Variants in RMDN1 observed in about 807,000 individuals in gnomAD.
RMDN1 encodes regulator of microtubule dynamics protein 1.
A neutral mutation model predicts 48.9 loss-of-function variants in RMDN1; 48 were observed. The ratio of observed to expected loss-of-function variants is 0.98; its 90% CI spans 0.78 to 1.25. RMDN1 has a LOEUF of 1.25. RMDN1 is among the 50% of genes most tolerant of loss of function. The pLI is 0.00. For synonymous variants in RMDN1, 148 were observed against 132.6 expected (o/e 1.12, Z -0.80); for missense variants, 418 against 373.4 (o/e 1.12, Z -0.98).
At chr8:86,475,430 TTAAACA>T (rs1313133707) in intron 8 of RMDN1, among the ~76,000 whole-genome samples, 1 of 152,142 alleles carries the variant, frequency 6.6e-6, no homozygotes, top group Non-Finnish European at 1.5e-5. Flanking sequence ...TCAGCTATAC[TTAAACA>T]TAGAGGATGA....
At position 86,480,314 on chromosome 8, in the gene RMDN1, G is replaced by C. The variant is rs769620419; in HGVS notation, c.604C>G (p.Pro202Ala). ...AGGTGAATTGAAGTAGCATCTTTAG[G>C]GTTCAGTTCAATTGCTTTCTAACAA... ...EHFEKAIELNPKDATSIHLMG... is the reference protein window; with the variant it reads ...EHFEKAIELNAKDATSIHLMG... Residue 202 changes from proline (P) to alanine (A), a missense_variant, in exon 6 of 10, where the codon CCT (proline) becomes GCT (alanine). Coordinates refer to ENST00000406452, the MANE Select transcript of RMDN1 (RefSeq NM_016033.3). 1 of 1,536,944 alleles carries C rather than the reference G, an allele frequency of 6.5e-7. No individual in the cohort carries two copies.
Position 86,472,680 on chromosome 8 carries a change from T to TC in RMDN1, c.*1627dup, listed in dbSNP as rs556070466. On this transcript the variant is annotated 3_prime_UTR_variant, in exon 10 of 10. Coordinates refer to ENST00000406452, the MANE Select transcript of RMDN1 (RefSeq NM_016033.3). ...ATATTTTTTTTTTTGCCATCCTTGT[T>TC]CCTGTGCGAGTTATGTCATATTTTT... 134 of 554,658 alleles carry TC rather than the reference T, an allele frequency of 2.4e-4. 1 individual carries two copies. The highest frequency in any genetic ancestry group is 2.2e-3 in the African/African-American group (118 of 52,884). The allele number at this position is 554,658 out of a possible 1,614,324, so 34.4% of individuals were successfully genotyped here. A position where few individuals can be genotyped will look rare whatever the true frequency, so the allele number is the denominator to read the frequency against.
At chr8:86,514,308 C>T (rs1820198179) in exon 1 of RMDN1, 2 of 981,238 alleles carry the variant, frequency 2.0e-6, no homozygotes, top group Non-Finnish European at 1.2e-6. Flanking sequence ...CGCCAGCCTA[C>T]TGGCAAGGAG....
At chr8:86,514,298 C>A (rs1299299149) in exon 1 of RMDN1, 2 of 984,266 alleles carry the variant, frequency 2.0e-6, no homozygotes, top group Non-Finnish European at 2.4e-6. Context: ...GGCCTCGAAG[C>A]GCCAGCCTAC....
chr8:86,497,938 T>C (rs951105747), intron 2 of RMDN1, among the ~76,000 whole-genome samples: 2 of 150,354 alleles, frequency 1.3e-5, no homozygotes, highest in African/African-American at 4.9e-5. Flanking sequence ...CTACTGAAAA[T>C]ATAAAAAATT....
At position 86,473,915 on chromosome 8, in the gene RMDN1, G is replaced by C; in HGVS notation, c.*393C>G. The C allele has an allele frequency of 1.0e-6, 1 of 1,003,040 alleles. No homozygotes were observed. The highest frequency in any genetic ancestry group is 1.2e-6 in the Non-Finnish European group (1 of 841,538). 62.1% of individuals were successfully genotyped at this position (1,003,040 alleles called of 1,614,324 possible). Reference sequence around the variant, plus strand: ...CACTGTCACCACACCTTCTCTTCAAGATTTCAACTTAGAATCAATCCAATT... The same window carrying C: ...CACTGTCACCACACCTTCTCTTCAACATTTCAACTTAGAATCAATCCAATT... On this transcript the variant is annotated 3_prime_UTR_variant, in exon 10 of 10. Transcript: ENST00000406452.
At chr8:86,474,986 GA>G (rs1354180596) in intron 8 of RMDN1, 33 bp from the exon 9 acceptor site, 15 of 1,551,768 alleles carry the variant, frequency 9.7e-6, no homozygotes, top group Non-Finnish European at 1.3e-5. Flanking sequence ...GATCTCAGAG[GA>G]AACAGTGTTG....
At chr8:86,513,863 T>C (rs920133225) in intron 1 of RMDN1, among the ~76,000 whole-genome samples, 1 of 152,178 alleles carries the variant, frequency 6.6e-6, no homozygotes, top group African/African-American at 2.4e-5. Context: ...ACTTTTTTTT[T>C]TTTTTTTAAG....
At position 86,484,980 on chromosome 8, in the gene RMDN1, G is replaced by C; in HGVS notation, c.496-19C>G. The stretch of plus-strand genomic sequence containing the variant: ...CATACCACTGAAAATTTAAAAAAGT[G>C]TAAGAACAATAATATTCTTAATATT... On this transcript the variant is annotated intron_variant, in intron 4 of 9. Transcript: ENST00000406452. 4 of 1,368,006 alleles carry C rather than the reference G, an allele frequency of 2.9e-6. No individual in the cohort carries two copies. The Middle Eastern group carries it at 8.0e-4, about 274-fold the overall frequency. 84.7% of individuals were successfully genotyped at this position (1,368,006 alleles called of 1,614,324 possible). A position where few individuals can be genotyped will look rare whatever the true frequency, so the allele number is the denominator to read the frequency against.
upstream of RMDN1, among the ~76,000 whole-genome samples, chr8:86,510,612 C>G (rs1294503331): frequency 6.6e-6 from 1 of 152,206 alleles, no homozygotes; most frequent in African/African-American, 2.4e-5. Context: ...CTGACTGCAA[C>G]ATCAAGAGAG....
chr8:86,471,347 T>C (rs1434242375), downstream of RMDN1, among the ~76,000 whole-genome samples: 1 of 151,974 alleles, frequency 6.6e-6, no homozygotes, highest in Non-Finnish European at 1.5e-5. Context: ...TTTGATGACC[T>C]AGTATTGCTG....
In RMDN1 at chr8:86,474,287, T is replaced by A. The variant is rs771934598; in HGVS notation, c.*21A>T. On this transcript the variant is annotated 3_prime_UTR_variant, in exon 10 of 10. Coordinates refer to ENST00000406452, the MANE Select transcript of RMDN1 (RefSeq NM_016033.3). The stretch of plus-strand genomic sequence containing the variant: ...AAGGCAATGTTTATTAGCTATTTCA[T>A]AAATCTTCTCTGAAAAGTTCTCAAT... 1 of 1,613,154 alleles carries A rather than the reference T, an allele frequency of 6.2e-7. No individual in the cohort carries two copies. Among genetic ancestry groups the A allele is most frequent in the Non-Finnish European group, 8.5e-7 (1 of 1,179,566 alleles).
chr8:86,480,611 T>TTTGCAAATTAATC (rs1298685794), intron 5 of RMDN1, among the ~76,000 whole-genome samples: 1 of 152,112 alleles, frequency 6.6e-6, no homozygotes, highest in Non-Finnish European at 1.5e-5. Flanking sequence ...ATGGATTAAT[T>TTTGCAAATTAATC]TTGCAAATTA....
intron 1 of RMDN1, among the ~76,000 whole-genome samples, chr8:86,507,575 AG>A: frequency 6.6e-6 from 1 of 152,294 alleles, no homozygotes; most frequent in Non-Finnish European, 1.5e-5. Flanking sequence ...CCTGGACTCA[AG>A]CAATCCTTCC....
chr8:86,483,608 A>C (rs1417200219), intron 5 of RMDN1, among the ~76,000 whole-genome samples: 1 of 152,208 alleles, frequency 6.6e-6, no homozygotes, highest in Non-Finnish European at 1.5e-5. Flanking sequence ...TATTATGTAT[A>C]TATTACTATC....
At chr8:86,499,064 G>A (rs780740230) in intron 2 of RMDN1, among the ~76,000 whole-genome samples, 7 of 151,190 alleles carry the variant, frequency 4.6e-5, no homozygotes, top group East Asian at 1.9e-4. Flanking sequence ...CTGAAGGAAC[G>A]CACCTCAAAA....
At position 86,473,205 on chromosome 8, in the gene RMDN1, A is replaced by G; in HGVS notation, c.*1103T>C. ...ACATATCCATACAGTTCATTGTAAC[A>G]TTACAATTCCCAAATCCTTTGGGAA... is the stretch of plus-strand genomic sequence containing the variant. On this transcript the variant is annotated 3_prime_UTR_variant, in exon 10 of 10. Transcript: ENST00000406452. 1 of 980,166 alleles carries G rather than the reference A, an allele frequency of 1.0e-6. No homozygotes were observed. Among genetic ancestry groups the G allele is most frequent in the East Asian group, 1.1e-4 (1 of 8,804 alleles). 60.7% of individuals were successfully genotyped at this position (980,166 alleles called of 1,614,324 possible). A position where few individuals can be genotyped will look rare whatever the true frequency, so the allele number is the denominator to read the frequency against.
intron 3 of RMDN1, among the ~76,000 whole-genome samples, chr8:86,488,301 CA>C (rs1815839011): frequency 6.6e-6 from 1 of 151,908 alleles, no homozygotes; most frequent in African/African-American, 2.4e-5. Context: ...TCATCTAAAG[CA>C]AAATGGAAAA....
chr8:86,492,846 C>T (rs890765623), intron 2 of RMDN1, among the ~76,000 whole-genome samples: 3 of 151,740 alleles, frequency 2.0e-5, no homozygotes, highest in Admixed American at 6.6e-5. Context: ...CCTTAAACTT[C>T]AACTCATTTC....
Sources: allele counts gnomAD v4.1 joint callset (sites outside exome capture counted in the v4.1 genomes callset), GRCh38; gene constraint gnomAD v4.1.1; transcripts MANE v1.5; gene names NCBI Gene and HGNC (gene_info 2026-07-23, HGNC 2026-07-21).